Variants in UBAP2 observed in about 807,000 individuals in gnomAD.
UBAP2 encodes ubiquitin associated protein 2.
In UBAP2, 75 loss-of-function variants were observed where a neutral mutation model predicts 139.6. The ratio of observed to expected loss-of-function variants is 0.54; its 90% CI spans 0.45 to 0.65. The LOEUF is 0.65. Ranked by LOEUF, UBAP2 falls within the 30% of genes least tolerant of loss-of-function variation. The pLI is 0.00. For synonymous variants in UBAP2, 526 were observed against 526.2 expected (o/e 1.00, Z 0.01); for missense variants, 1,368 against 1,369.6 (o/e 1.00, Z 0.02).
At chr9:34,030,005 G>T (rs752707015) in intron 1 of UBAP2, among the ~76,000 whole-genome samples, 3 of 147,146 alleles carry the variant, frequency 2.0e-5, no homozygotes, top group Non-Finnish European at 3.0e-5. Flanking sequence ...AAAAAAGAAA[G>T]AAATACATAC....
chr9:33,986,693 C>T, intron 6 of UBAP2, 67 bp downstream of exon 6: 1 of 1,327,416 alleles, frequency 7.5e-7, no homozygotes, highest in Non-Finnish European at 1.1e-6. Flanking sequence ...AGTCACAGTC[C>T]AGCAACGCAA....
Position 34,007,609 on chromosome 9 carries a change from A to C in UBAP2, c.100-8745T>G, listed in dbSNP as rs1036690391. 2.0e-5 allele frequency among the ~76,000 whole-genome samples: 3 copies of C among 151,764 alleles called. No homozygotes were observed. In the East Asian group the frequency reaches 5.8e-4, roughly 29 times the overall value. The stretch of plus-strand genomic sequence containing the variant: ...ACATACATTTTTCAGCGTTTATTGA[A>C]ATGATCATATGTTTTTTGTCCTTGT... On this transcript the variant is annotated intron_variant, in intron 2 of 28. Coordinates refer to ENST00000379238, the MANE Select transcript of UBAP2 (RefSeq NM_001370062.2).
chr9:34,002,790 C>T (rs1024336832), intron 2 of UBAP2, among the ~76,000 whole-genome samples: 1 of 152,008 alleles, frequency 6.6e-6, no homozygotes, highest in Non-Finnish European at 1.5e-5. Context: ...CCACCTCACG[C>T]ACTCCACCCC....
intron 4 of UBAP2, 23 bp from the exon 5 acceptor site, chr9:33,989,149 A>C (rs1470292912): frequency 1.3e-6 from 2 of 1,582,506 alleles, no homozygotes; most frequent in Admixed American, 1.9e-5. Flanking sequence ...ACGGCTGTTA[A>C]TCATTTATCA....
At chr9:34,014,120 T>C (rs1456895063) in intron 2 of UBAP2, among the ~76,000 whole-genome samples, 3 of 149,502 alleles carry the variant, frequency 2.0e-5, no homozygotes, top group Non-Finnish European at 3.0e-5. Flanking sequence ...AGGTCAGGAG[T>C]TTGAGACCAG....
At chr9:33,974,508 AAAAC>A (rs753527202) in intron 6 of UBAP2, among the ~76,000 whole-genome samples, 8 of 152,176 alleles carry the variant, frequency 5.3e-5, no homozygotes, top group Non-Finnish European at 1.2e-4. Context: ...CCATTTCTCA[AAAAC>A]AAACAAAAAA....
chr9:34,031,355 T>C (rs1825873714), intron 1 of UBAP2, among the ~76,000 whole-genome samples: 1 of 151,794 alleles, frequency 6.6e-6, no homozygotes, highest in Non-Finnish European at 1.5e-5. Flanking sequence ...TAGCCAGGCG[T>C]GGTGGCATGT....
chr9:33,935,569 A>T (rs1824422618), intron 17 of UBAP2: 1 of 477,456 alleles, frequency 2.1e-6, no homozygotes, highest in Non-Finnish European at 3.7e-6. Context: ...GCCTGGCCCA[A>T]GCATCTTTAA....
intron 1 of UBAP2, among the ~76,000 whole-genome samples, chr9:34,038,679 G>A (rs182913357): frequency 0.079 from 12,012 of 152,220 alleles, 681 homozygotes; most frequent in Non-Finnish European, 0.12. Context: ...AAAGTGCCGA[G>A]ATTGTAGCCT....
In UBAP2 at chr9:33,976,834, T is replaced by TA. The variant is rs571922360; in HGVS notation, c.521-3598dup. ...CAACATGGTGAAATCCCATCTCTAC[T>TA]AAAAAAAATGTATATATATATACAA... On this transcript the variant is annotated intron_variant, in intron 6 of 28. Coordinates refer to ENST00000379238, the MANE Select transcript of UBAP2 (RefSeq NM_001370062.2). Among the ~76,000 whole-genome samples, 164 of 144,472 alleles carry TA rather than the reference T, an allele frequency of 1.1e-3. 1 individual carries two copies. Among genetic ancestry groups the TA allele is most frequent in the African/African-American group, 2.0e-3 (79 of 38,924 alleles). The allele number at this position is 144,472 out of a possible 152,430, so 94.8% of individuals were successfully genotyped here. A position where few individuals can be genotyped will look rare whatever the true frequency, so the allele number is the denominator to read the frequency against.
chr9:33,950,528 T>C (rs984431522), intron 12 of UBAP2, among the ~76,000 whole-genome samples: 11 of 152,238 alleles, frequency 7.2e-5, no homozygotes, highest in African/African-American at 2.7e-4. Flanking sequence ...CATTAGGTTA[T>C]GGACAGCTGT....
At chr9:34,044,185 A>T (rs1827355987) in intron 1 of UBAP2, among the ~76,000 whole-genome samples, 1 of 150,836 alleles carries the variant, frequency 6.6e-6, no homozygotes, top group Admixed American at 6.6e-5. Context: ...ATCACACACG[A>T]GGTCAGGAGA....
intron 13 of UBAP2, among the ~76,000 whole-genome samples, chr9:33,947,108 A>AC (rs1214964931): frequency 1.3e-5 from 2 of 152,182 alleles, no homozygotes; most frequent in African/African-American, 2.4e-5. Flanking sequence ...AAATGTAGGC[A>AC]CAGGGTACCT....
rs530413239 is a variant in UBAP2 at position 33,943,896 on chromosome 9, G to A, written c.1546-307C>T. On this transcript the variant is annotated intron_variant, in intron 14 of 28. Coordinates refer to ENST00000379238, the MANE Select transcript of UBAP2 (RefSeq NM_001370062.2). ...AGCCTGGACAACACGGCGAGACCCT[G>A]TCTCATTTAAAAAAAAAAAGGAGAA... Among the ~76,000 whole-genome samples the A allele has an allele frequency of 1.1e-3, 160 of 151,732 alleles. 1 individual carries two copies. Among genetic ancestry groups the A allele is most frequent in the African/African-American group, 3.7e-3 (153 of 41,334 alleles).
At chr9:34,013,152 C>CAAAA (rs398010658) in intron 2 of UBAP2, among the ~76,000 whole-genome samples, 7,278 of 77,582 alleles carry the variant, frequency 0.094, 442 homozygotes, top group African/African-American at 0.14. Flanking sequence ...GACTCTAGCT[C>CAAAA]AAAAAAAAAA....
intron 1 of UBAP2, among the ~76,000 whole-genome samples, chr9:34,024,554 A>T (rs940106532): frequency 6.6e-6 from 1 of 152,178 alleles, no homozygotes; most frequent in African/African-American, 2.4e-5. Flanking sequence ...AAATTTCCAG[A>T]GATGAAACAG....
Position 33,954,727 on chromosome 9 carries a change from T to C in UBAP2, c.867-1253A>G, listed in dbSNP as rs912301961. On this transcript the variant is annotated intron_variant, in intron 11 of 28. Transcript: ENST00000379238. ...CCCAGTAAATTCACTGAATCATAAA[T>C]ACAATAGAGAATATGTGCATTTAAC... 4.8e-4 allele frequency among the ~76,000 whole-genome samples: 62 copies of C among 129,520 alleles called. 1 individual carries two copies. Among genetic ancestry groups the C allele is most frequent in the African/African-American group, 1.4e-3 (57 of 39,982 alleles). The allele number at this position is 129,520 out of a possible 152,430, so 85.0% of individuals were successfully genotyped here. A position where few individuals can be genotyped will look rare whatever the true frequency, so the allele number is the denominator to read the frequency against.
At chr9:33,937,983 G>A (rs1824741996) in intron 16 of UBAP2, among the ~76,000 whole-genome samples, 1 of 151,812 alleles carries the variant, frequency 6.6e-6, no homozygotes, top group Non-Finnish European at 1.5e-5. Flanking sequence ...TAGTTGTTTT[G>A]GGGGGTTTCT....
intron 6 of UBAP2, among the ~76,000 whole-genome samples, chr9:33,981,213 TATATATATTCTGG>T (rs1425895974): frequency 4.5e-5 from 4 of 88,174 alleles, no homozygotes; most frequent in Non-Finnish European, 8.4e-5. Context: ...TGGATATATA[TATATATATTCTGG>T]ATATATATAT....
Sources: allele counts gnomAD v4.1 joint callset (sites outside exome capture counted in the v4.1 genomes callset), GRCh38; gene constraint gnomAD v4.1.1; transcripts MANE v1.5; gene names NCBI Gene and HGNC (gene_info 2026-07-23, HGNC 2026-07-21).